Variants in INTS6 observed in about 807,000 individuals in gnomAD.
INTS6 encodes the protein integrator complex subunit 6, also known as DEAD box protein.
Under a neutral mutation model 104.9 loss-of-function variants are expected in INTS6, and 16 were observed. The ratio of observed to expected loss-of-function variants is 0.15; its 90% CI spans 0.10 to 0.23. INTS6 has a LOEUF of 0.23. Ranked by LOEUF, INTS6 falls within the 10% of genes least tolerant of loss-of-function variation. The pLI is 1.00. For missense variants in INTS6, 584 were observed against 1,062.8 expected, an observed-to-expected ratio of 0.55 and a Z score of 6.26; for synonymous variants, 324 against 358.7, an observed-to-expected ratio of 0.90 and a Z score of 1.09.
chr13:51,387,597 A>G, intron 6 of INTS6, 57 bp from the exon 7 acceptor site: 8 of 1,329,030 alleles, frequency 6.0e-6, no homozygotes, highest in Non-Finnish European at 8.1e-6. Context: ...GATAAGCATA[A>G]AAAGTTAAAT....
At chr13:51,408,559 A>G (rs1306021973) in intron 4 of INTS6, among the ~76,000 whole-genome samples, 2 of 152,192 alleles carry the variant, frequency 1.3e-5, no homozygotes, top group Admixed American at 1.3e-4. Flanking sequence ...TTTCCAGGTA[A>G]CTGAGAGCAC....
At chr13:51,418,195 A>C (rs1956829014) in intron 4 of INTS6, among the ~76,000 whole-genome samples, 1 of 152,248 alleles carries the variant, frequency 6.6e-6, no homozygotes, top group Non-Finnish European at 1.5e-5. Context: ...TCTGTTTCTA[A>C]GAACAGTGCC....
rs1238497674 is a variant in INTS6, at chr13:51,452,192, CCA to C, written c.112-139_112-138del. On this transcript the variant is annotated intron_variant, in intron 1 of 17. Transcript: ENST00000311234. This position sits in a 1 kb window ranked among gnomAD's most constrained non-coding sequence, Gnocchi z 4.2. ...AGCGGCCACCCCTCCACGCCGTCCC[CCA>C]CACACAGATCGCTCCCCACACACCG... 2 of 824,712 alleles carry C rather than the reference CCA, an allele frequency of 2.4e-6. No homozygotes were observed. The highest frequency in any genetic ancestry group is 1.8e-5 in the South Asian group (1 of 54,510). The allele number at this position is 824,712 out of a possible 1,614,324, so 51.1% of individuals were successfully genotyped here. A position where few individuals can be genotyped will look rare whatever the true frequency, so the allele number is the denominator to read the frequency against.
intron 4 of INTS6, among the ~76,000 whole-genome samples, chr13:51,412,590 AG>A (rs1275032246): frequency 6.6e-6 from 1 of 152,180 alleles, no homozygotes; most frequent in African/African-American, 2.4e-5. Context: ...GGAGTACTAC[AG>A]GTAATTCTTG....
chr13:51,365,999 G>T (rs17790826), intron 17 of INTS6, among the ~76,000 whole-genome samples, 154 bp from the exon 18 acceptor site: 2,819 of 151,854 alleles, frequency 0.019, 31 homozygotes, highest in Middle Eastern at 0.041. Context: ...AAAATATGTT[G>T]AAAGATTAGC....
intron 3 of INTS6, among the ~76,000 whole-genome samples, chr13:51,355,763 A>C (rs1336084155): frequency 6.6e-6 from 1 of 152,206 alleles, no homozygotes; most frequent in Non-Finnish European, 1.5e-5. Flanking sequence ...AAATATAAAC[A>C]GGGAGTGAAT....
chr13:51,431,037 G>A (rs997062185), intron 3 of INTS6, among the ~76,000 whole-genome samples: 6 of 152,114 alleles, frequency 3.9e-5, no homozygotes, highest in African/African-American at 7.2e-5. Context: ...AGAGTAGCAC[G>A]GGTTCTCAAA....
chr13:51,412,706 CTTG>C (rs1307156811), intron 4 of INTS6, among the ~76,000 whole-genome samples: 5 of 152,186 alleles, frequency 3.3e-5, no homozygotes, highest in Non-Finnish European at 7.3e-5. Context: ...ACTTTAAACT[CTTG>C]TTAACAATAA....
At chr13:51,351,319 C>A (rs1389036220), downstream of INTS6, among the ~76,000 whole-genome samples, 1 of 152,060 alleles carries the variant, frequency 6.6e-6, no homozygotes, top group Non-Finnish European at 1.5e-5. Flanking sequence ...TTGTTAATGA[C>A]CATCTTTTTA....
chr13:51,392,045 C>G (rs1956253629), intron 5 of INTS6, among the ~76,000 whole-genome samples: 1 of 152,140 alleles, frequency 6.6e-6, no homozygotes, highest in Admixed American at 6.5e-5. Flanking sequence ...TGTCCTCATC[C>G]TTGGTTCTCT....
In INTS6 at chr13:51,361,654, T is replaced by C; in HGVS notation, c.*4098A>G. The C allele has an allele frequency of 1.5e-6, 1 of 658,416 alleles. No individual in the cohort carries two copies. Among genetic ancestry groups the C allele is most frequent in the Non-Finnish European group, 2.5e-6 (1 of 399,384 alleles). 40.8% of individuals were successfully genotyped at this position (658,416 alleles called of 1,614,324 possible). ...GATTGGCTAAATGGCATCTTTTCTC[T>C]TTAATTTTCCCATCTGCACCCCCAT... is the stretch of plus-strand genomic sequence containing the variant. On this transcript the variant is annotated 3_prime_UTR_variant, in exon 18 of 18. Transcript: ENST00000311234.
chr13:51,449,727 A>G (rs1176745545), intron 3 of INTS6: 6 of 985,310 alleles, frequency 6.1e-6, no homozygotes, highest in African/African-American at 1.7e-5. Flanking sequence ...AATATAAAAG[A>G]GAAGGAAATC....
At chr13:51,389,067 A>G (rs2137943506) in intron 6 of INTS6, among the ~76,000 whole-genome samples, 1 of 152,368 alleles carries the variant, frequency 6.6e-6, no homozygotes, top group South Asian at 2.1e-4. Flanking sequence ...CTTATCGATA[A>G]ATCTTTGAAA....
intron 15 of INTS6, 120 bp from the exon 16 acceptor site, chr13:51,369,430 A>G: frequency 1.0e-6 from 1 of 972,202 alleles, no homozygotes; most frequent in South Asian, 1.7e-5. Flanking sequence ...ATGCAAGTTA[A>G]CAAATAATGT....
chr13:51,379,654 C>T (rs984751678), intron 10 of INTS6, 82 bp from the exon 11 acceptor site: 1 of 680,390 alleles, frequency 1.5e-6, no homozygotes, highest in Non-Finnish European at 2.3e-6. Context: ...TTAAAATTTT[C>T]TCCAAAAAAT....
rs1437046994 is a variant in INTS6, at chr13:51,394,564, T to C, written c.613+736A>G. Reference sequence around the variant, plus strand: ...AATGCTAGACTTGCACATTTTAATATCAAATACAGAATTTGATATTAAAAT... The same window carrying C: ...AATGCTAGACTTGCACATTTTAATACCAAATACAGAATTTGATATTAAAAT... On this transcript the variant is annotated intron_variant, in intron 5 of 17. Coordinates refer to ENST00000311234, the MANE Select transcript of INTS6 (RefSeq NM_012141.3). Among the ~76,000 whole-genome samples the C allele has an allele frequency of 3.9e-5, 6 of 152,264 alleles. No homozygotes were observed. The East Asian group carries it at 1.2e-3, about 29-fold the overall frequency.
intron 10 of INTS6, among the ~76,000 whole-genome samples, chr13:51,380,217 T>G (rs1405582538): frequency 2.0e-5 from 3 of 152,038 alleles, no homozygotes; most frequent in African/African-American, 4.8e-5. Context: ...GAAAAAACAA[T>G]CTAATATTTA....
At chr13:51,410,912 T>C (rs988281964) in intron 4 of INTS6, among the ~76,000 whole-genome samples, 2 of 151,832 alleles carry the variant, frequency 1.3e-5, no homozygotes, top group African/African-American at 4.8e-5. Flanking sequence ...GAGATACAGA[T>C]AGAAAATAAG....
intron 12 of INTS6, among the ~76,000 whole-genome samples, chr13:51,376,836 C>A (rs533073928): frequency 6.6e-6 from 1 of 152,146 alleles, no homozygotes; most frequent in African/African-American, 2.4e-5. Flanking sequence ...TATGGACACA[C>A]CACATCTTCT....
Sources: gnomAD v4.1 joint callset for allele counts (sites outside exome capture counted in the v4.1 genomes callset) on GRCh38, gnomAD v4.1.1 for gene constraint, Gnocchi (gnomAD v3.1) non-coding constraint, MANE v1.5 for transcripts, NCBI Gene and HGNC (gene_info 2026-07-23, HGNC 2026-07-21) for gene names.